Variants in AKAP6 observed in about 807,000 individuals in gnomAD.
The protein encoded by AKAP6 is A-kinase anchoring protein 6, also known as A-kinase anchor protein 6.
AKAP6 carries 58 observed loss-of-function variants against 188.5 expected under a neutral mutation model. That is an observed-to-expected ratio of 0.31 (90% CI 0.25 to 0.38). The LOEUF is 0.38. AKAP6 is among the 10% of genes least tolerant of loss of function. AKAP6 has a pLI of 1.00. For missense variants in AKAP6, 2,710 were observed against 2,740.0 expected (o/e 0.99, Z 0.24); for synonymous variants, 989 against 998.6 (o/e 0.99, Z 0.18).
At chr14:32,330,713 ATTTTTTTTTTTT>A (rs35147196) in intron 1 of AKAP6, among the ~76,000 whole-genome samples, 22 of 62,360 alleles carry the variant, frequency 3.5e-4, no homozygotes, top group East Asian at 5.1e-4. Context: ...GCTTGGAGTG[ATTTTTTTTTTTT>A]TTTTTTTTTT....
At chr14:32,409,172 C>T (rs553702491) in intron 1 of AKAP6, among the ~76,000 whole-genome samples, 29 of 152,202 alleles carry the variant, frequency 1.9e-4, no homozygotes, top group East Asian at 3.9e-4. Flanking sequence ...TGCACTCCAG[C>T]CTGGGCCACA....
chr14:32,655,103 A>G (rs1888402710), intron 7 of AKAP6, among the ~76,000 whole-genome samples: 1 of 152,188 alleles, frequency 6.6e-6, no homozygotes, highest in Non-Finnish European at 1.5e-5. Flanking sequence ...TAATGAAGTA[A>G]AAATATTGAC....
intron 2 of AKAP6, among the ~76,000 whole-genome samples, chr14:32,507,712 C>T (rs576145563): frequency 6.6e-6 from 1 of 152,136 alleles, no homozygotes; most frequent in African/African-American, 2.4e-5. Context: ...TTCAGTGTGG[C>T]CTGGGACAGG....
At chr14:32,331,464 C>G (rs554791738) in intron 1 of AKAP6, among the ~76,000 whole-genome samples, 1 of 152,080 alleles carries the variant, frequency 6.6e-6, no homozygotes, top group African/African-American at 2.4e-5. Context: ...TTTTTCCCCC[C>G]GCAAATGTTC....
intron 11 of AKAP6, among the ~76,000 whole-genome samples, chr14:32,745,795 C>T (rs1341890117): frequency 6.6e-6 from 1 of 152,188 alleles, no homozygotes; most frequent in East Asian, 1.9e-4. Context: ...CCAAGAGGTG[C>T]CTTCCAGGAG....
chr14:32,718,428 G>T (rs2030347974), intron 9 of AKAP6: 1 of 568,576 alleles, frequency 1.8e-6, no homozygotes, highest in Admixed American at 6.4e-5. Context: ...GTCAGGGGAT[G>T]GGTAGAACAG....
In AKAP6 at chr14:32,588,169, T is replaced by A. The variant is rs572422090; in HGVS notation, c.2469+10927T>A. Among the ~76,000 whole-genome samples, 7 of 152,374 alleles carry A rather than the reference T, an allele frequency of 4.6e-5. No individual in the cohort carries two copies. In the East Asian group the frequency reaches 1.3e-3, roughly 29 times the overall value. ...TTTTTATGGAAAAATGCATACACTTTAAGGATTATTTAGTTCATATTATAC... is the reference window on the plus strand; with the variant it reads ...TTTTTATGGAAAAATGCATACACTTAAAGGATTATTTAGTTCATATTATAC... On this transcript the variant is annotated intron_variant, in intron 5 of 13. Transcript: ENST00000280979.
At chr14:32,336,054 T>C (rs1886688631) in intron 1 of AKAP6, among the ~76,000 whole-genome samples, 1 of 151,974 alleles carries the variant, frequency 6.6e-6, no homozygotes, top group Non-Finnish European at 1.5e-5. Context: ...TTTATAATAA[T>C]GAGATGCTGG....
intron 4 of AKAP6, among the ~76,000 whole-genome samples, chr14:32,553,080 C>T (rs948074416): frequency 2.6e-5 from 4 of 152,070 alleles, no homozygotes; most frequent in African/African-American, 7.2e-5. Flanking sequence ...TGTCAGTCCC[C>T]ACCCCTCACA....
intron 4 of AKAP6, among the ~76,000 whole-genome samples, chr14:32,563,057 C>T (rs189216778): frequency 1.4e-4 from 22 of 152,240 alleles, no homozygotes; most frequent in African/African-American, 5.3e-4. Context: ...ACTTCCAAAA[C>T]CACCTTGCTC....
chr14:32,440,105 G>T (rs1890520907), intron 2 of AKAP6, among the ~76,000 whole-genome samples: 1 of 152,118 alleles, frequency 6.6e-6, no homozygotes, highest in Admixed American at 6.5e-5. Flanking sequence ...GTAAAATTTG[G>T]TTTTCTGTCC....
chr14:32,800,437 T>A (rs1296342691), intron 12 of AKAP6, among the ~76,000 whole-genome samples: 1 of 151,816 alleles, frequency 6.6e-6, no homozygotes, highest in Non-Finnish European at 1.5e-5. Flanking sequence ...TGAGCAATAA[T>A]AATGGGTGTT....
rs578124282 is a variant in AKAP6, at chr14:32,670,601, T to C, written c.2731-7710T>C. On this transcript the variant is annotated intron_variant, in intron 7 of 13. Transcript: ENST00000280979. ...TTATTACCAAAAAAGTAGGGTTTCCTCCCATTATATTGAAGGATCCCTGTG... is the reference window on the plus strand; with the variant it reads ...TTATTACCAAAAAAGTAGGGTTTCCCCCCATTATATTGAAGGATCCCTGTG... 3.3e-5 allele frequency among the ~76,000 whole-genome samples: 5 copies of C among 152,284 alleles called. No individual in the cohort carries two copies. In the South Asian group the frequency reaches 1.0e-3, roughly 32 times the overall value.
intron 7 of AKAP6, among the ~76,000 whole-genome samples, chr14:32,639,618 A>C (rs1887669830): frequency 6.6e-6 from 1 of 152,174 alleles, no homozygotes; most frequent in South Asian, 2.1e-4. Context: ...GAGTGTAATC[A>C]CATTTTCACA....
At chr14:32,631,457 T>G (rs1437288732) in intron 7 of AKAP6, among the ~76,000 whole-genome samples, 2 of 152,086 alleles carry the variant, frequency 1.3e-5, no homozygotes, top group African/African-American at 4.8e-5. Flanking sequence ...ATATTTTAAA[T>G]AGGTTTTACA....
chr14:32,481,107 T>C (rs1879318806), intron 2 of AKAP6, among the ~76,000 whole-genome samples: 1 of 152,204 alleles, frequency 6.6e-6, no homozygotes, highest in East Asian at 1.9e-4. Context: ...GCCAACTCTC[T>C]TACTTTGTAT....
At chr14:32,335,750 C>A (rs999537555) in intron 1 of AKAP6, among the ~76,000 whole-genome samples, 1 of 147,776 alleles carries the variant, frequency 6.8e-6, no homozygotes, top group Non-Finnish European at 1.5e-5. Flanking sequence ...TACTTGATTA[C>A]TTTTATCACC....
intron 2 of AKAP6, among the ~76,000 whole-genome samples, chr14:32,455,482 G>T (rs573943240): frequency 5.3e-5 from 8 of 152,176 alleles, no homozygotes; most frequent in African/African-American, 1.7e-4. Context: ...AAATTGGGTT[G>T]TCTATTTTTC....
chr14:32,412,340 A>G (rs139706863), intron 1 of AKAP6, among the ~76,000 whole-genome samples: 2 of 152,364 alleles, frequency 1.3e-5, no homozygotes, highest in East Asian at 1.9e-4. Flanking sequence ...GTGAGACACC[A>G]TGTAGGATGC....
Sources: allele counts gnomAD v4.1 joint callset (sites outside exome capture counted in the v4.1 genomes callset), GRCh38; gene constraint gnomAD v4.1.1; transcripts MANE v1.5; gene names NCBI Gene and HGNC (gene_info 2026-07-23, HGNC 2026-07-21).